LINGO2: variants seen among roughly 807,000 people sequenced by gnomAD.
LINGO2 encodes leucine rich repeat and Ig domain containing 2, also known as leucine-rich repeat and immunoglobulin-like domain-containing nogo receptor-interacting protein 2.
In LINGO2, 14 loss-of-function variants were observed where a neutral mutation model predicts 30.6. That is an observed-to-expected ratio of 0.46 (90% CI 0.30 to 0.72). The LOEUF is 0.72. LINGO2 is among the 30% of genes least tolerant of loss of function. The pLI is 0.07. For synonymous variants in LINGO2, 317 were observed against 288.5 expected (o/e 1.10, Z -1.00); for missense variants, 729 against 751.7 (o/e 0.97, Z 0.35).
At chr9:28,653,808 C>T (rs549605140) in intron 1 of LINGO2, among the ~76,000 whole-genome samples, 1 of 152,112 alleles carries the variant, frequency 6.6e-6, no homozygotes, top group East Asian at 1.9e-4. Flanking sequence ...TTCATCAGGG[C>T]ACATGACACA....
chr9:28,542,292 G>A (rs1821734954), intron 1 of LINGO2, among the ~76,000 whole-genome samples: 1 of 151,574 alleles, frequency 6.6e-6, no homozygotes, highest in African/African-American at 2.4e-5. Context: ...ACAGGCAGCT[G>A]CAAGCTATCT....
At chr9:28,467,339 C>A (rs1825357447) in intron 2 of LINGO2, among the ~76,000 whole-genome samples, 1 of 152,118 alleles carries the variant, frequency 6.6e-6, no homozygotes, top group South Asian at 2.1e-4. Context: ...CTAGCTGACT[C>A]TTAACCTCAG....
At chr9:28,556,384 C>T (rs1262901822) in intron 1 of LINGO2, among the ~76,000 whole-genome samples, 1 of 152,060 alleles carries the variant, frequency 6.6e-6, no homozygotes, top group African/African-American at 2.4e-5. Flanking sequence ...CATTAGTGAA[C>T]TCCCACTCAC....
At chr9:28,699,951 T>C in the LINGO2 span, among the ~76,000 whole-genome samples, 1 of 152,066 alleles carries the variant, frequency 6.6e-6, no homozygotes, top group African/African-American at 2.4e-5. Flanking sequence ...AGACAATACG[T>C]GCACTGCTGA....
At chr9:27,977,490 C>A (rs1215690383) in intron 5 of LINGO2, among the ~76,000 whole-genome samples, 2 of 151,920 alleles carry the variant, frequency 1.3e-5, no homozygotes, top group Admixed American at 1.3e-4. Flanking sequence ...CGACGACTCC[C>A]TGACTACAAG....
chr9:28,271,885 G>A (rs1259819502), intron 4 of LINGO2, among the ~76,000 whole-genome samples: 1 of 152,132 alleles, frequency 6.6e-6, no homozygotes, highest in Non-Finnish European at 1.5e-5. Flanking sequence ...CCTTATCTCA[G>A]GCCTTCTGAA....
chr9:28,555,827 G>C (rs1822642311), intron 1 of LINGO2, among the ~76,000 whole-genome samples: 2 of 152,182 alleles, frequency 1.3e-5, no homozygotes, highest in South Asian at 4.1e-4. Context: ...TCCCTGGGAT[G>C]CAAGGCTGGT....
chr9:28,620,754 G>A (rs1826353125), intron 1 of LINGO2, among the ~76,000 whole-genome samples: 1 of 152,000 alleles, frequency 6.6e-6, no homozygotes, highest in Admixed American at 6.6e-5. Flanking sequence ...CATGTTCTCT[G>A]TTATAAGTGG....
the LINGO2 span, among the ~76,000 whole-genome samples, chr9:29,149,104 C>A: frequency 1.4e-3 from 215 of 152,222 alleles, 1 homozygote; most frequent in Admixed American, 0.013. Flanking sequence ...AGTCACAAAG[C>A]TCCACAGTTC....
chr9:28,225,293 A>G (rs946670521), intron 4 of LINGO2, among the ~76,000 whole-genome samples: 6 of 152,180 alleles, frequency 3.9e-5, no homozygotes, highest in Non-Finnish European at 7.4e-5. Flanking sequence ...GATTTTTAAA[A>G]TTATAATTAC....
chr9:28,588,370 A>T (rs1386294925), intron 1 of LINGO2, among the ~76,000 whole-genome samples: 1 of 152,006 alleles, frequency 6.6e-6, no homozygotes, highest in Non-Finnish European at 1.5e-5. Context: ...CAGGGGCATC[A>T]TTCACACATT....
At chr9:27,995,613 T>C (rs755557278) in intron 5 of LINGO2, among the ~76,000 whole-genome samples, 3 of 152,176 alleles carry the variant, frequency 2.0e-5, no homozygotes, top group Admixed American at 1.3e-4. Context: ...CATATGATTA[T>C]TTGATGATCT....
intron 5 of LINGO2, among the ~76,000 whole-genome samples, chr9:27,989,981 G>A (rs1349165727): frequency 6.6e-6 from 1 of 152,022 alleles, no homozygotes; most frequent in Non-Finnish European, 1.5e-5. Flanking sequence ...AGTGGTTCCA[G>A]CTCTAGGAAC....
chr9:28,031,186 A>T (rs1823651757), intron 4 of LINGO2, among the ~76,000 whole-genome samples: 6 of 152,120 alleles, frequency 3.9e-5, no homozygotes, highest in Admixed American at 3.9e-4. Flanking sequence ...GGAGGCCGAG[A>T]CTATATAAAG....
intron 1 of LINGO2, among the ~76,000 whole-genome samples, chr9:28,479,810 AC>A (rs1208710663): frequency 1.4e-5 from 2 of 147,490 alleles, no homozygotes; most frequent in African/African-American, 5.0e-5. Context: ...TAAGTACCAT[AC>A]TGAAGAATGT....
chr9:28,111,895 G>GTTTATTTA (rs541664007), intron 4 of LINGO2, among the ~76,000 whole-genome samples: 2 of 151,812 alleles, frequency 1.3e-5, no homozygotes, highest in African/African-American at 4.8e-5. Context: ...TAGAATAAAT[G>GTTTATTTA]TTTATTTATT....
chr9:28,835,565 T>C, the LINGO2 span, among the ~76,000 whole-genome samples: 1 of 152,178 alleles, frequency 6.6e-6, no homozygotes, highest in East Asian at 1.9e-4. Context: ...TTATTTTAGA[T>C]CCTAGTGGTT....
At chr9:28,928,643 C>T in the LINGO2 span, among the ~76,000 whole-genome samples, 1 of 152,180 alleles carries the variant, frequency 6.6e-6, no homozygotes, top group South Asian at 2.1e-4. Context: ...TTGGCCAGGA[C>T]ATGAAAAACA....
At chr9:28,234,070 G>A (rs1250238123) in intron 4 of LINGO2, among the ~76,000 whole-genome samples, 2 of 152,098 alleles carry the variant, frequency 1.3e-5, no homozygotes, top group African/African-American at 4.8e-5. Flanking sequence ...AAGTAAGGGG[G>A]ACTTTGTCTT....
Sources: gnomAD v4.1 joint callset for allele counts (sites outside exome capture counted in the v4.1 genomes callset) on GRCh38, gnomAD v4.1.1 for gene constraint, MANE v1.5 for transcripts, NCBI Gene and HGNC (gene_info 2026-07-23, HGNC 2026-07-21) for gene names.